Variants in PTPRJ observed in about 807,000 individuals in gnomAD.
PTPRJ encodes the protein receptor-type tyrosine-protein phosphatase eta.
In PTPRJ, 129 loss-of-function variants were observed where a neutral mutation model predicts 141.3. The observed-to-expected ratio is 0.91, with a 90% CI of 0.79 to 1.06. The LOEUF is 1.06. Ranked by LOEUF, PTPRJ falls within the 50% of genes least tolerant of loss-of-function variation. PTPRJ has a pLI of 0.00. For missense variants in PTPRJ, 1,601 were observed against 1,679.7 expected (o/e 0.95, Z 0.82); for synonymous variants, 610 against 640.5 (o/e 0.95, Z 0.72).
intron 1 of PTPRJ, among the ~76,000 whole-genome samples, chr11:48,004,283 C>G (rs564619966): frequency 5.3e-5 from 8 of 152,322 alleles, no homozygotes; most frequent in African/African-American, 1.9e-4. Flanking sequence ...ATACCTTGAT[C>G]AGATTCCTCC....
chr11:48,142,816 C>G (rs532681657), intron 11 of PTPRJ, 103 bp from the exon 12 acceptor site: 6 of 1,372,242 alleles, frequency 4.4e-6, no homozygotes, highest in Non-Finnish European at 5.8e-6. Flanking sequence ...CATGTAGCTT[C>G]CAGAGTAAGA....
intron 1 of PTPRJ, among the ~76,000 whole-genome samples, chr11:48,080,480 T>C (rs1003216372): frequency 1.3e-5 from 2 of 152,208 alleles, no homozygotes; most frequent in Non-Finnish European, 2.9e-5. Context: ...CCAGAGCCAA[T>C]GTTCTTAGCC....
intron 8 of PTPRJ, among the ~76,000 whole-genome samples, chr11:48,133,328 T>C (rs1857020711): frequency 6.6e-6 from 1 of 152,154 alleles, no homozygotes; most frequent in African/African-American, 2.4e-5. Flanking sequence ...TCTTTTACTA[T>C]AGTTTATTGT....
At chr11:48,134,964 C>T (rs759893512) in intron 8 of PTPRJ, among the ~76,000 whole-genome samples, 4 of 152,028 alleles carry the variant, frequency 2.6e-5, no homozygotes, top group Admixed American at 6.6e-5. Flanking sequence ...GGCTGTGTCA[C>T]GGGAAGATGT....
At position 48,149,454 on chromosome 11, in the gene PTPRJ, G is replaced by A. The variant is rs1265345840; in HGVS notation, c.3007G>A (p.Ala1003Thr). ...TCTTTTCTCTTAAAACAGGAAAGATGCAAAGAATAATGAAGTGTCCTTTTC... is the reference window on the plus strand; with the variant it reads ...TCTTTTCTCTTAAAACAGGAAAGATACAAAGAATAATGAAGTGTCCTTTTC... ...FIFWRKKRKD[A>T]KNNEVSFSQI... The change falls in exon 16 of 25, where the codon GCA becomes ACA. Residue 1003 changes from alanine (A) to threonine (T), a missense_variant. Transcript: ENST00000418331. 1.3e-6 allele frequency: 2 copies of A among 1,517,780 alleles called. No homozygotes were observed. The highest frequency in any genetic ancestry group is 2.4e-5 in the South Asian group (2 of 82,860). The allele number at this position is 1,517,780 out of a possible 1,614,324, so 94.0% of individuals were successfully genotyped here.
In PTPRJ at chr11:47,980,686, G is replaced by C; in HGVS notation, c.-227G>C. 2.0e-6 allele frequency: 2 copies of C among 990,058 alleles called. No homozygotes were observed. The highest frequency in any genetic ancestry group is 9.4e-5 in the South Asian group (2 of 21,390). 61.3% of individuals were successfully genotyped at this position (990,058 alleles called of 1,614,324 possible). On this transcript the variant is annotated 5_prime_UTR_variant, in exon 1 of 25. Transcript: ENST00000418331. ...GAAGCCCCTGCGCGCTCAGGGACGC[G>C]GCCCCCCCGCGGCAGCCGCGCTAGG...
chr11:48,014,479 A>G (rs1177288809), intron 1 of PTPRJ: 5 of 152,158 alleles, frequency 3.3e-5, no homozygotes, highest in Non-Finnish European at 7.3e-5. Context: ...CATTTATTCA[A>G]AAAATATTTG....
chr11:48,121,957 C>T (rs1207045214), intron 4 of PTPRJ, among the ~76,000 whole-genome samples: 1 of 151,992 alleles, frequency 6.6e-6, no homozygotes, highest in South Asian at 2.1e-4. Flanking sequence ...CGGCCATGGG[C>T]GCCTGAGCTC....
chr11:47,994,101 T>C (rs1023677426), intron 1 of PTPRJ, among the ~76,000 whole-genome samples: 1 of 151,484 alleles, frequency 6.6e-6, no homozygotes, highest in Non-Finnish European at 1.5e-5. Flanking sequence ...GCTCCGGCAA[T>C]CCACCCGCTG....
chr11:48,159,117 T>TGA (rs1857691801), intron 21 of PTPRJ, among the ~76,000 whole-genome samples: 1 of 2,202 alleles, frequency 4.5e-4, no homozygotes, highest in Admixed American at 7.2e-3. Context: ...TGTGTGTGTA[T>TGA]GTGGGGTGTG....
At chr11:48,008,491 C>T (rs538239680) in intron 1 of PTPRJ, among the ~76,000 whole-genome samples, 56 of 151,882 alleles carry the variant, frequency 3.7e-4, no homozygotes, top group Admixed American at 3.3e-4. Context: ...AACTTCTGAC[C>T]TCGTGATCCA....
chr11:48,045,602 C>T (rs184693548), intron 1 of PTPRJ, among the ~76,000 whole-genome samples: 67 of 152,266 alleles, frequency 4.4e-4, no homozygotes, highest in Admixed American at 8.5e-4. Flanking sequence ...TTTCTCTGCC[C>T]GCCTGTGGTT....
chr11:48,120,221 AT>A (rs1248724847), intron 3 of PTPRJ, among the ~76,000 whole-genome samples: 1 of 152,196 alleles, frequency 6.6e-6, no homozygotes, highest in Non-Finnish European at 1.5e-5. Flanking sequence ...CACACAGCTA[AT>A]GGATGGAGCA....
Position 48,091,983 on chromosome 11 carries a change from C to A in PTPRJ, c.97-18075C>A, listed in dbSNP as rs572566236. Among the ~76,000 whole-genome samples, 21 of 152,104 alleles carry A rather than the reference C, an allele frequency of 1.4e-4. No homozygotes were observed. The South Asian group carries it at 4.2e-3, about 30-fold the overall frequency. On this transcript the variant is annotated intron_variant, in intron 1 of 24. Coordinates refer to ENST00000418331, the MANE Select transcript of PTPRJ (RefSeq NM_002843.4). ...AACATGAATTGTTATTTCTGGAGTC[C>A]CCTGGGTGCTGTTTAGAAATGCAGG...
chr11:48,073,956 A>G (rs1490170822), intron 1 of PTPRJ, among the ~76,000 whole-genome samples: 1 of 152,216 alleles, frequency 6.6e-6, no homozygotes, highest in Non-Finnish European at 1.5e-5. Flanking sequence ...TTAAAAAACC[A>G]TAGTTTATAA....
intron 24 of PTPRJ, among the ~76,000 whole-genome samples, chr11:48,166,611 G>A (rs1268801772): frequency 6.6e-6 from 1 of 152,112 alleles, no homozygotes; most frequent in African/African-American, 2.4e-5. Flanking sequence ...CACCGCGCCT[G>A]GCCAGATCCT....
intron 1 of PTPRJ, among the ~76,000 whole-genome samples, chr11:48,011,369 G>A (rs1006939860): frequency 6.6e-6 from 1 of 152,112 alleles, no homozygotes; most frequent in Non-Finnish European, 1.5e-5. Context: ...TCTGTTTCTG[G>A]ACTTACCACT....
rs76851267 is a variant in PTPRJ at position 48,033,595 on chromosome 11, C to T, written c.96+52587C>T. On this transcript the variant is annotated intron_variant, in intron 1 of 24. Coordinates refer to ENST00000418331, the MANE Select transcript of PTPRJ (RefSeq NM_002843.4). ...GGATAAGCCACTGAGCTGCTCCAAA[C>T]GTGTGCTATGGGATGGATTAACTGT... is the stretch of plus-strand genomic sequence containing the variant. Among the ~76,000 whole-genome samples, 1,330 of 152,236 alleles carry T rather than the reference C, an allele frequency of 8.7e-3. 8 individuals are homozygous for T. The highest frequency in any genetic ancestry group is 0.024 in the Middle Eastern group (7 of 294).
rs189234353 is a variant in PTPRJ at position 47,990,372 on chromosome 11, A to G, written c.96+9364A>G. On this transcript the variant is annotated intron_variant, in intron 1 of 24. Transcript: ENST00000418331. ...ACTGAAGAGTTAGGGCAAAGACCAT[A>G]ATATTGTAATTATCAATAATTATGA... 5.3e-5 allele frequency among the ~76,000 whole-genome samples: 8 copies of G among 152,334 alleles called. No homozygotes were observed. The East Asian group carries it at 1.5e-3, about 29-fold the overall frequency.
Sources: gnomAD v4.1 joint callset for allele counts (sites outside exome capture counted in the v4.1 genomes callset) on GRCh38, gnomAD v4.1.1 for gene constraint, MANE v1.5 for transcripts, NCBI Gene and HGNC (gene_info 2026-07-23, HGNC 2026-07-21) for gene names.